Variants in STXBP6 observed in about 807,000 individuals in gnomAD.
STXBP6 encodes syntaxin binding protein 6.
Under a neutral mutation model 26.9 loss-of-function variants are expected in STXBP6, and 21 were observed. The observed-to-expected ratio is 0.78, with a 90% confidence interval of 0.55 to 1.12. The LOEUF (loss-of-function observed/expected upper bound fraction) is 1.12. Ranked by LOEUF, STXBP6 falls within the 50% of genes most tolerant of loss-of-function variation. The pLI is 0.00. For synonymous variants in STXBP6, 97 were observed against 92.6 expected, an observed-to-expected ratio of 1.05 and a Z score of -0.27; for missense variants, 232 against 257.9, an observed-to-expected ratio of 0.90 and a Z score of 0.69.
intron 2 of STXBP6, among the ~76,000 whole-genome samples, chr14:24,899,353 T>C (rs558228116): frequency 3.3e-5 from 5 of 152,276 alleles, no homozygotes; most frequent in Admixed American, 2.6e-4. Flanking sequence ...CAGAGACATG[T>C]TAACAAACTT....
chr14:24,945,141 T>A (rs923404014), intron 2 of STXBP6, among the ~76,000 whole-genome samples: 3 of 103,718 alleles, frequency 2.9e-5, no homozygotes, highest in African/African-American at 1.5e-4. Flanking sequence ...AATTAGGAAT[T>A]TTTTTTTTTT....
chr14:24,928,836 G>T (rs2072277058), intron 2 of STXBP6, among the ~76,000 whole-genome samples: 1 of 152,020 alleles, frequency 6.6e-6, no homozygotes, highest in South Asian at 2.1e-4. Flanking sequence ...ATATTAAAAA[G>T]AAAATAGTTT....
chr14:24,997,822 G>A (rs2074644759), intron 1 of STXBP6, among the ~76,000 whole-genome samples: 1 of 151,868 alleles, frequency 6.6e-6, no homozygotes, highest in African/African-American at 2.4e-5. Flanking sequence ...ACATTATTAA[G>A]TACAACTTTT....
At chr14:24,829,269 A>G (rs924714336) in intron 4 of STXBP6, among the ~76,000 whole-genome samples, 1 of 152,192 alleles carries the variant, frequency 6.6e-6, no homozygotes, top group African/African-American at 2.4e-5. Flanking sequence ...TTATTTTTGC[A>G]TATGTCTTGT....
chr14:24,911,042 A>C (rs2071553373), intron 2 of STXBP6, among the ~76,000 whole-genome samples: 1 of 152,184 alleles, frequency 6.6e-6, no homozygotes, highest in South Asian at 2.1e-4. Flanking sequence ...TTAAGAAAAC[A>C]GGCTAGGTGC....
At position 24,832,642 on chromosome 14, in the gene STXBP6, A is replaced by C. The variant is rs938393412; in HGVS notation, c.452-13448T>G. Among the ~76,000 whole-genome samples the C allele has an allele frequency of 3.8e-4, 58 of 152,242 alleles. 1 individual carries two copies. Among genetic ancestry groups the C allele is most frequent in the Non-Finnish European group, 1.5e-5 (1 of 68,042 alleles). ...GAAGGATGCTCTAAAAATTCCTGCCAACTGGTCATTAAAATCCACTACAAT... is the reference window on the plus strand; with the variant it reads ...GAAGGATGCTCTAAAAATTCCTGCCCACTGGTCATTAAAATCCACTACAAT... On this transcript the variant is annotated intron_variant, in intron 4 of 5. Transcript: ENST00000323944.
rs186773175 is a variant in STXBP6 at position 24,889,443 on chromosome 14, A to T, written c.155-32286T>A. Among the ~76,000 whole-genome samples the T allele has an allele frequency of 2.9e-3, 430 of 148,954 alleles. 1 individual carries two copies. Among genetic ancestry groups the T allele is most frequent in the Non-Finnish European group, 4.9e-3 (327 of 67,156 alleles). ...GGTGGGGGGAGGGGGGAGGGATAGC[A>T]TTAGGAGATATACCTAATGCTAAAT... is the stretch of plus-strand genomic sequence containing the variant. On this transcript the variant is annotated intron_variant, in intron 2 of 5. Transcript: ENST00000323944.
chr14:25,035,961 T>C (rs2075542592), intron 1 of STXBP6, among the ~76,000 whole-genome samples: 3 of 152,128 alleles, frequency 2.0e-5, no homozygotes, highest in African/African-American at 7.2e-5. Flanking sequence ...CTCACGCCTG[T>C]AATCCCAGCA....
At chr14:25,002,244 C>G (rs1735167319) in intron 1 of STXBP6, among the ~76,000 whole-genome samples, 1 of 152,014 alleles carries the variant, frequency 6.6e-6, no homozygotes, top group South Asian at 2.1e-4. Context: ...AAATTCTTCA[C>G]TATTGATCAT....
At chr14:25,042,866 T>C (rs112904989) in intron 1 of STXBP6, among the ~76,000 whole-genome samples, 187 of 152,352 alleles carry the variant, frequency 1.2e-3, no homozygotes, top group African/African-American at 4.0e-3. Flanking sequence ...TCCAGCGGTG[T>C]TAAACCTCAT....
intron 2 of STXBP6, among the ~76,000 whole-genome samples, chr14:24,936,419 G>T (rs2072600222): frequency 1.3e-5 from 2 of 152,238 alleles, no homozygotes; most frequent in South Asian, 4.2e-4. Context: ...GAAGAAAGGA[G>T]GAGAAATGGA....
At chr14:24,966,969 C>T (rs1464485985) in intron 2 of STXBP6, among the ~76,000 whole-genome samples, 2 of 152,152 alleles carry the variant, frequency 1.3e-5, no homozygotes, top group South Asian at 2.1e-4. Context: ...TCACTAAAGC[C>T]GTATGAGAGG....
At chr14:24,869,414 A>G (rs1250993224) in intron 2 of STXBP6, among the ~76,000 whole-genome samples, 1 of 152,198 alleles carries the variant, frequency 6.6e-6, no homozygotes. Context: ...TTTATGTAGC[A>G]GCCTATGAAT....
At chr14:24,991,462 T>G (rs2074473032) in intron 1 of STXBP6, among the ~76,000 whole-genome samples, 1 of 152,184 alleles carries the variant, frequency 6.6e-6, no homozygotes, top group East Asian at 1.9e-4. Context: ...TTAATGCGAA[T>G]GTGTAATATG....
intron 4 of STXBP6, among the ~76,000 whole-genome samples, chr14:24,835,735 CA>C: frequency 6.6e-6 from 1 of 152,134 alleles, no homozygotes; most frequent in Non-Finnish European, 1.5e-5. Flanking sequence ...GTAGACTGTA[CA>C]GATTAAAATA....
At chr14:24,995,135 T>C (rs2074570224) in intron 1 of STXBP6, among the ~76,000 whole-genome samples, 1 of 152,210 alleles carries the variant, frequency 6.6e-6, no homozygotes, top group African/African-American at 2.4e-5. Context: ...TCAGCAGATT[T>C]GCTGTCTGAC....
At chr14:24,902,944 T>A (rs2071264743) in intron 2 of STXBP6, among the ~76,000 whole-genome samples, 1 of 152,206 alleles carries the variant, frequency 6.6e-6, no homozygotes, top group Non-Finnish European at 1.5e-5. Flanking sequence ...CCAAGGACTA[T>A]AATGAGTTAT....
chr14:24,823,991 T>C (rs1287959293), intron 4 of STXBP6, among the ~76,000 whole-genome samples: 2 of 152,188 alleles, frequency 1.3e-5, no homozygotes, highest in Admixed American at 6.5e-5. Context: ...ATCTACTGAG[T>C]TATTTTTCTT....
intron 1 of STXBP6, among the ~76,000 whole-genome samples, chr14:25,007,241 T>C (rs1438088484): frequency 6.6e-6 from 1 of 152,232 alleles, no homozygotes; most frequent in East Asian, 1.9e-4. Flanking sequence ...TATTCATCAT[T>C]AGTAAGTTAT....
Sources: allele counts gnomAD v4.1 joint callset (sites outside exome capture counted in the v4.1 genomes callset), GRCh38; gene constraint gnomAD v4.1.1; transcripts MANE v1.5; gene names NCBI Gene and HGNC (gene_info 2026-07-23, HGNC 2026-07-21).